Variants in TNKS observed in about 807,000 individuals in gnomAD.
TNKS encodes poly [ADP-ribose] polymerase tankyrase-1.
In TNKS, 72 loss-of-function variants were observed where a neutral mutation model predicts 135.8. The observed-to-expected ratio is 0.53, with a 90% CI of 0.44 to 0.64. The LOEUF (loss-of-function observed/expected upper bound fraction) is 0.64, where lower values mean the gene tolerates loss of function less well. Ranked by LOEUF, TNKS falls within the 30% of genes least tolerant of loss-of-function variation. The pLI is 0.00. For synonymous variants in TNKS, 849 were observed against 649.3 expected (o/e 1.31, Z -4.68); for missense variants, 1,769 against 1,674.0 (o/e 1.06, Z -0.99).
At position 9,745,100 on chromosome 8, in the gene TNKS, G is replaced by A. The variant is rs141448143; in HGVS notation, c.2644-2924G>A. 4.6e-5 allele frequency among the ~76,000 whole-genome samples: 7 copies of A among 152,182 alleles called. No homozygotes were observed. The East Asian group carries it at 1.4e-3, about 29-fold the overall frequency. ...TTTAAGTAGCTTGTAACCTCACTGG[G>A]GAGAAGCTTGAAATTATTCCGTGCT... On this transcript the variant is annotated intron_variant, in intron 17 of 26. Transcript: ENST00000310430.
intron 12 of TNKS, among the ~76,000 whole-genome samples, chr8:9,722,976 TA>T (rs773041064): frequency 2.0e-4 from 31 of 152,106 alleles, no homozygotes; most frequent in South Asian, 6.2e-4. Flanking sequence ...ACAAATGAAA[TA>T]TTTTTCTTCG....
At chr8:9,580,567 A>G (rs1300441771) in intron 2 of TNKS, among the ~76,000 whole-genome samples, 184 bp downstream of exon 2, 2 of 152,234 alleles carry the variant, frequency 1.3e-5, no homozygotes, top group Non-Finnish European at 2.9e-5. Context: ...GAAGACTCAC[A>G]ACATTAACTT....
rs1430315086 is a variant in TNKS, at chr8:9,734,917, T to C, written c.2366T>C (p.Leu789Ser). The change falls in exon 16 of 27, where the codon TTG becomes TCG. Residue 789 changes from leucine (L) to serine (S), a missense_variant. Physicochemically the swap from Leu to Ser is moderately radical, Grantham distance 145. Around this residue, in one of 5 missense-constraint regions of TNKS, gnomAD observed 722 missense variants for 688.9 expected, o/e 1.05. Coordinates refer to ENST00000310430, the MANE Select transcript of TNKS (RefSeq NM_003747.3). ...AGAGATGGAAATACACCTTTGGATT[T>C]GGTAAAGGAAGGAGACACAGATATT... ...KNRDGNTPLD[L>S]VKEGDTDIQD... 1.2e-6 allele frequency: 2 copies of C among 1,614,044 alleles called. No individual in the cohort carries two copies. The highest frequency in any genetic ancestry group is 2.7e-5 in the African/African-American group (2 of 74,926).
In TNKS at chr8:9,752,550, G is replaced by A; in HGVS notation, c.3077G>A (p.Gly1026Asp). The change falls in exon 20 of 27, where the codon GGT (glycine) becomes GAT (aspartate). Residue 1026 changes from glycine (G) to aspartate (D), a missense_variant. Gly to Asp is a moderately conservative substitution (Grantham distance 94). Around this residue, in one of 5 missense-constraint regions of TNKS, gnomAD observed 722 missense variants for 688.9 expected, o/e 1.05. Coordinates refer to ENST00000310430, the MANE Select transcript of TNKS (RefSeq NM_003747.3). ...GTERKEGEVA[G>D]LDMNISQFLK... ...TAATATGTTTCTGTTTTAGTTGCTG[G>A]TCTTGACATGAATATCAGCCAATTT... 1 of 1,611,382 alleles carries A rather than the reference G, an allele frequency of 6.2e-7. No homozygotes were observed. The highest frequency in any genetic ancestry group is 8.5e-7 in the Non-Finnish European group (1 of 1,178,534).
chr8:9,558,442 A>G (rs1196159871), intron 1 of TNKS: 2 of 152,194 alleles, frequency 1.3e-5, no homozygotes, highest in Non-Finnish European at 2.9e-5. Flanking sequence ...TGATTTTATT[A>G]ATCAACAGAG....
chr8:9,761,087 T>C (rs1481836233), intron 20 of TNKS, among the ~76,000 whole-genome samples: 2 of 152,178 alleles, frequency 1.3e-5, no homozygotes, highest in African/African-American at 4.8e-5. Context: ...TTTTCCTGCG[T>C]TGTTTACTTG....
At chr8:9,614,548 G>A (rs1418972504) in intron 2 of TNKS, among the ~76,000 whole-genome samples, 3 of 152,146 alleles carry the variant, frequency 2.0e-5, no homozygotes, top group Non-Finnish European at 4.4e-5. Flanking sequence ...AAGGACTTAC[G>A]GCTTGGTAAT....
At chr8:9,763,997 G>C (rs1489146805) in intron 22 of TNKS, among the ~76,000 whole-genome samples, 2 of 152,126 alleles carry the variant, frequency 1.3e-5, no homozygotes, top group African/African-American at 2.4e-5. Context: ...CTCATACGTA[G>C]CGCATCAGGA....
chr8:9,763,417 T>C (rs908625050), intron 22 of TNKS, among the ~76,000 whole-genome samples, 173 bp downstream of exon 22: 1 of 152,034 alleles, frequency 6.6e-6, no homozygotes, highest in African/African-American at 2.4e-5. Context: ...CGCCCCATGG[T>C]TTTCACATCA....
chr8:9,720,124 A>C (rs1435752639), intron 11 of TNKS, among the ~76,000 whole-genome samples: 4 of 152,138 alleles, frequency 2.6e-5, no homozygotes. Flanking sequence ...CAGAAATGGG[A>C]AATGGTCAGG....
chr8:9,770,130 C>A lies in TNKS; in HGVS notation c.3765C>A (p.Thr1255=). Residue 1255 remains threonine, a synonymous_variant, in exon 26 of 27, where the codon ACC becomes ACA. Coordinates refer to ENST00000310430, the MANE Select transcript of TNKS (RefSeq NM_003747.3). ...GACAAATGCTCTTCTGTAGAGTGAC[C>A]CTTGGGAAATCCTTTCTGCAGTTTA... ...CHRQMLFCRV[T]LGKSFLQFST... 6.2e-7 allele frequency: 1 copy of A among 1,612,768 alleles called. No homozygotes were observed. Among genetic ancestry groups the A allele is most frequent in the Non-Finnish European group, 8.5e-7 (1 of 1,179,748 alleles).
chr8:9,673,833 G>A (rs758976548), intron 3 of TNKS, among the ~76,000 whole-genome samples: 25 of 151,974 alleles, frequency 1.6e-4, no homozygotes, highest in Non-Finnish European at 2.9e-4. Flanking sequence ...TAATAACTTC[G>A]TAGTTTGTCT....
chr8:9,755,543 G>C (rs1023192403), intron 20 of TNKS, among the ~76,000 whole-genome samples: 1 of 152,112 alleles, frequency 6.6e-6, no homozygotes, highest in Non-Finnish European at 1.5e-5. Context: ...TATTTATCTA[G>C]CCTTCCATTA....
chr8:9,566,027 G>A (rs1294196009), intron 1 of TNKS, among the ~76,000 whole-genome samples: 1 of 151,954 alleles, frequency 6.6e-6, no homozygotes, highest in African/African-American at 2.4e-5. Flanking sequence ...GAAAAGTTCT[G>A]ATGCCCTCAT....
chr8:9,644,414 G>C (rs1158562003), intron 3 of TNKS, among the ~76,000 whole-genome samples: 2 of 152,126 alleles, frequency 1.3e-5, no homozygotes, highest in Non-Finnish European at 2.9e-5. Context: ...TTATAGTTTA[G>C]TTATATTCAT....
chr8:9,749,819 C>G (rs1039806897), intron 18 of TNKS, among the ~76,000 whole-genome samples: 3 of 152,074 alleles, frequency 2.0e-5, no homozygotes, highest in Non-Finnish European at 4.4e-5. Flanking sequence ...AATTATCCTT[C>G]TCTTTTCATA....
intron 3 of TNKS, among the ~76,000 whole-genome samples, chr8:9,665,789 T>G (rs1801957305): frequency 6.6e-6 from 1 of 152,128 alleles, no homozygotes; most frequent in Admixed American, 6.5e-5. Context: ...TTCCCATTAT[T>G]ATTGCATGCA....
At chr8:9,572,620 C>G (rs1435192949) in intron 1 of TNKS, among the ~76,000 whole-genome samples, 2 of 152,144 alleles carry the variant, frequency 1.3e-5, no homozygotes, top group South Asian at 2.1e-4. Context: ...CTTTAAAGAA[C>G]TTTAGAAGAT....
At chr8:9,760,573 A>C (rs1563216369) in intron 20 of TNKS, among the ~76,000 whole-genome samples, 1 of 152,210 alleles carries the variant, frequency 6.6e-6, no homozygotes, top group Non-Finnish European at 1.5e-5. Context: ...ATCAAAGACT[A>C]ATCTTGTAGA....
Sources: gnomAD v4.1 joint callset for allele counts (sites outside exome capture counted in the v4.1 genomes callset) on GRCh38, gnomAD v4.1.1 for gene constraint, gnomAD v4.1.1 regional missense constraint, MANE v1.5 for transcripts, NCBI Gene and HGNC (gene_info 2026-07-23, HGNC 2026-07-21) for gene names.